The following TNRC6B variants were observed in gnomAD, a reference collection of about 807,000 sequenced individuals.
The protein encoded by TNRC6B is trinucleotide repeat containing adaptor 6B, also known as trinucleotide repeat-containing gene 6B protein.
TNRC6B carries 52 observed loss-of-function variants against 203.6 expected under a neutral mutation model. The observed-to-expected ratio is 0.26, with a 90% confidence interval of 0.20 to 0.32. The LOEUF is 0.32. Ranked by LOEUF, TNRC6B falls within the 10% of genes least tolerant of loss-of-function variation. TNRC6B has a pLI of 1.00. For synonymous variants in TNRC6B, 838 were observed against 845.7 expected (o/e 0.99, Z 0.16); for missense variants, 1,923 against 2,286.2 (o/e 0.84, Z 3.24).
In TNRC6B at chr22:40,315,378, T is replaced by A. The variant is rs1164634371; in HGVS notation, c.4774T>A (p.Ser1592Thr). 1 of 1,613,818 alleles carries A rather than the reference T, an allele frequency of 6.2e-7. No individual in the cohort carries two copies. The highest frequency in any genetic ancestry group is 1.7e-5 in the Admixed American group (1 of 59,998). ...SNKMWKNHISSRNTTPLPRPP... is the reference protein window; with the variant it reads ...SNKMWKNHISTRNTTPLPRPP... ...CAAGATGTGGAAAAACCATATTTCC[T>A]CCAGGAACACTACACCGCTGCCCCG... is the stretch of plus-strand genomic sequence containing the variant. Residue 1592 changes from serine (S) to threonine (T), a missense_variant, in exon 20 of 23, where the codon TCC becomes ACC. Transcript: ENST00000454349.
chr22:40,274,459 C>T (rs1342922362), intron 7 of TNRC6B, among the ~76,000 whole-genome samples: 2 of 145,830 alleles, frequency 1.4e-5, no homozygotes, highest in South Asian at 2.1e-4. Flanking sequence ...CTTGCTCTGT[C>T]GCCCAGGCTG....
intron 7 of TNRC6B, among the ~76,000 whole-genome samples, chr22:40,275,682 G>T (rs1016750685): frequency 6.6e-6 from 1 of 152,046 alleles, no homozygotes; most frequent in Non-Finnish European, 1.5e-5. Flanking sequence ...GTACTAGCTG[G>T]CTGCGGTGGC....
At chr22:40,121,968 A>G (rs2068450901) in intron 2 of TNRC6B, among the ~76,000 whole-genome samples, 1 of 152,246 alleles carries the variant, frequency 6.6e-6, no homozygotes, top group Non-Finnish European at 1.5e-5. Flanking sequence ...TCTACAAGAA[A>G]ATACTGTGCC....
At chr22:40,106,700 A>C (rs2068286443) in intron 1 of TNRC6B, 1 of 759,108 alleles carries the variant, frequency 1.3e-6, no homozygotes, top group Non-Finnish European at 2.4e-6. Context: ...GAGCTTCACA[A>C]ACGTTCCATT....
At chr22:40,128,204 CTGA>C (rs2068510669) in intron 3 of TNRC6B, among the ~76,000 whole-genome samples, 1 of 152,080 alleles carries the variant, frequency 6.6e-6, no homozygotes, top group Admixed American at 6.6e-5. Context: ...GTTTTTCCTC[CTGA>C]TGTTTGCTTT....
chr22:40,103,633 C>CT (rs200514352), intron 1 of TNRC6B, among the ~76,000 whole-genome samples: 10 of 151,252 alleles, frequency 6.6e-5, no homozygotes, highest in Admixed American at 2.0e-4. Flanking sequence ...AGTAATAATT[C>CT]TTTTTTTTTC....
In TNRC6B at chr22:40,265,053, A is replaced by G; in HGVS notation, c.823A>G (p.Thr275Ala). Residue 275 changes from threonine (T) to alanine (A), a missense_variant, in exon 5 of 23, where the codon ACA becomes GCA. Around this residue, in one of 8 missense-constraint regions of TNRC6B, gnomAD observed 614 missense variants for 587.7 expected, o/e 1.04. Transcript: ENST00000454349. ...AKSVQSSNST[T>A]ENNNGLGNWR... ...ATCTGTTCAATCTTCCAACTCTACT[A>G]CAGAGAACAACAATGGACTAGGAAA... The G allele has an allele frequency of 1.2e-6, 2 of 1,613,986 alleles. No individual in the cohort carries two copies. The highest frequency in any genetic ancestry group is 1.7e-6 in the Non-Finnish European group (2 of 1,179,884).
At chr22:40,073,556 A>G (rs2067974521) in intron 1 of TNRC6B, among the ~76,000 whole-genome samples, 1 of 152,118 alleles carries the variant, frequency 6.6e-6, no homozygotes, top group Admixed American at 6.6e-5. Flanking sequence ...ACTGAAGGAA[A>G]AAATACTGGT....
intron 1 of TNRC6B, among the ~76,000 whole-genome samples, chr22:40,071,847 C>G (rs760722266): frequency 6.6e-6 from 1 of 152,172 alleles, no homozygotes; most frequent in South Asian, 2.1e-4. Context: ...TGGTTTTGAA[C>G]TGTTAATTAA....
intron 4 of TNRC6B, among the ~76,000 whole-genome samples, chr22:40,263,096 A>G (rs2146495774): frequency 6.6e-6 from 1 of 152,320 alleles, no homozygotes; most frequent in South Asian, 2.1e-4. Context: ...TAAGTCAACT[A>G]ACAGCTAAGA....
intron 1 of TNRC6B, among the ~76,000 whole-genome samples, chr22:40,046,494 A>G (rs2067689063): frequency 6.6e-6 from 1 of 152,212 alleles, no homozygotes; most frequent in African/African-American, 2.4e-5. Flanking sequence ...GGCTTATCCC[A>G]AACACCATTA....
At chr22:40,296,310 T>C (rs2070939398) in intron 12 of TNRC6B, among the ~76,000 whole-genome samples, 1 of 151,240 alleles carries the variant, frequency 6.6e-6, no homozygotes, top group Non-Finnish European at 1.5e-5. Context: ...CTATAAGAAA[T>C]TGAGGAGAAT....
At chr22:40,286,651 T>G (rs116187534) in intron 12 of TNRC6B, among the ~76,000 whole-genome samples, 1 of 152,220 alleles carries the variant, frequency 6.6e-6, no homozygotes, top group East Asian at 1.9e-4. Context: ...TCAACTCTTA[T>G]TCATGAGCAG....
intron 1 of TNRC6B, among the ~76,000 whole-genome samples, chr22:40,100,570 G>A (rs1005762731): frequency 3.9e-5 from 6 of 152,088 alleles, no homozygotes; most frequent in Non-Finnish European, 1.5e-5. Flanking sequence ...TTATAGACAT[G>A]GAGTCTTAAT....
Position 40,330,313 on chromosome 22 carries a change from C to G in TNRC6B, c.*7072C>G, listed in dbSNP as rs557282014. Reference sequence around the variant, plus strand: ...TGAAAGGAAGTGCTTTGCTTTCTCTCCCGCCTTCCGGAATCTGGCGTTCCT... The same window carrying G: ...TGAAAGGAAGTGCTTTGCTTTCTCTGCCGCCTTCCGGAATCTGGCGTTCCT... On this transcript the variant is annotated 3_prime_UTR_variant, in exon 23 of 23. Coordinates refer to ENST00000454349, the MANE Select transcript of TNRC6B (RefSeq NM_001162501.2). The G allele has an allele frequency of 6.6e-6, 1 of 152,292 alleles. No homozygotes were observed. The highest frequency in any genetic ancestry group is 2.4e-5 in the African/African-American group (1 of 41,528). 9.4% of individuals were successfully genotyped at this position (152,292 alleles called of 1,614,324 possible).
chr22:40,216,051 C>T (rs973904143), intron 1 of TNRC6B, among the ~76,000 whole-genome samples: 2 of 152,232 alleles, frequency 1.3e-5, no homozygotes, highest in South Asian at 2.1e-4. Context: ...TCTCACACTT[C>T]GCTTCCCTTC....
At position 40,262,131 on chromosome 22, in the gene TNRC6B, G is replaced by C. The variant is rs756387114; in HGVS notation, c.415G>C (p.Val139Leu). The C allele has an allele frequency of 6.7e-7, 1 of 1,492,634 alleles. No homozygotes were observed. The highest frequency in any genetic ancestry group is 1.9e-5 in the Admixed American group (1 of 53,590). 92.5% of individuals were successfully genotyped at this position (1,492,634 alleles called of 1,614,324 possible). A position where few individuals can be genotyped will look rare whatever the true frequency, so the allele number is the denominator to read the frequency against. ...TGGAGCAAACCCAAACAACGCACAAGTGACAGGAGCGCTGCTGCAGAGTGA... is the reference window on the plus strand; with the variant it reads ...TGGAGCAAACCCAAACAACGCACAACTGACAGGAGCGCTGCTGCAGAGTGA... The part of the protein sequence containing the change: ...APGANPNNAQ[V>L]TGALLQSESG... The change falls in exon 4 of 23, where the codon GTG becomes CTG. Residue 139 changes from valine (V) to leucine (L), a missense_variant. Transcript: ENST00000454349.
upstream of TNRC6B, among the ~76,000 whole-genome samples, chr22:40,173,696 G>A (rs193283998): frequency 2.1e-3 from 305 of 146,330 alleles, 1 homozygote; most frequent in African/African-American, 7.5e-3. Flanking sequence ...TTACAGGCAT[G>A]AGTCAACACC....
Position 40,333,939 on chromosome 22 carries a change from C to T in TNRC6B, c.*10698C>T, listed in dbSNP as rs1415510657. On this transcript the variant is annotated 3_prime_UTR_variant, in exon 23 of 23. Transcript: ENST00000454349. ...GATAAACCCTTTACTAGTCAAGAAG[C>T]CCTTTTCAGTTGGATCTCACTGATC... 6.6e-6 allele frequency: 1 copy of T among 152,606 alleles called. No homozygotes were observed. The highest frequency in any genetic ancestry group is 1.5e-5 in the Non-Finnish European group (1 of 68,058). The allele number at this position is 152,606 out of a possible 1,614,324, so 9.5% of individuals were successfully genotyped here.
Sources: allele counts gnomAD v4.1 joint callset (sites outside exome capture counted in the v4.1 genomes callset), GRCh38; gene constraint gnomAD v4.1.1; regional missense constraint gnomAD v4.1.1; transcripts MANE v1.5; gene names NCBI Gene and HGNC (gene_info 2026-07-23, HGNC 2026-07-21).